The following ARL3 variants were observed in gnomAD, a reference collection of about 807,000 sequenced individuals.
The protein encoded by ARL3 is ARF like GTPase 3.
Under a neutral mutation model 26.0 loss-of-function variants are expected in ARL3, and 9 were observed. The ratio of observed to expected loss-of-function variants is 0.35; its 90% CI spans 0.21 to 0.60. ARL3 has a LOEUF of 0.60. ARL3 is among the 20% of genes least tolerant of loss of function. ARL3 has a pLI of 0.78. For synonymous variants in ARL3, 71 were observed against 78.4 expected, an observed-to-expected ratio of 0.91 and a Z score of 0.50; for missense variants, 158 against 215.7, an observed-to-expected ratio of 0.73 and a Z score of 1.67.
intron 2 of ARL3, among the ~76,000 whole-genome samples, chr10:102,703,775 C>G (rs553632661): frequency 1.3e-5 from 2 of 151,990 alleles, no homozygotes; most frequent in Non-Finnish European, 2.9e-5. Context: ...ACGCTGTGAG[C>G]ACTATCATTC....
At chr10:102,691,088 T>C (rs2064214825) in intron 3 of ARL3, among the ~76,000 whole-genome samples, 1 of 152,128 alleles carries the variant, frequency 6.6e-6, no homozygotes, top group South Asian at 2.1e-4. Context: ...AGGTCAGCAG[T>C]CAATATTTTA....
chr10:102,710,076 A>G (rs2064330168), intron 1 of ARL3, among the ~76,000 whole-genome samples: 1 of 152,204 alleles, frequency 6.6e-6, no homozygotes, highest in Non-Finnish European at 1.5e-5. Flanking sequence ...TATTAACCTA[A>G]TGGTGTAGAA....
At chr10:102,682,729 T>G (rs2064161667) in intron 5 of ARL3, among the ~76,000 whole-genome samples, 1 of 152,232 alleles carries the variant, frequency 6.6e-6, no homozygotes. Context: ...ATGTTTTGAT[T>G]AAACATGTAC....
rs1200555767 is a variant in ARL3 at position 102,685,935 on chromosome 10, G to C, written c.382C>G (p.Gln128Glu). The change falls in exon 5 of 6, where the codon CAG (glutamine) becomes GAG (glutamate). Residue 128 changes from glutamine to glutamate, a missense_variant. Gln to Glu is a conservative substitution (Grantham distance 29). Transcript: ENST00000260746. ...CVPVLIFANKQDLLTAAPASE... is the reference protein window; with the variant it reads ...CVPVLIFANKEDLLTAAPASE... ...GCAGGGGCTGCTGTGAGCAAATCCT[G>C]CTTATTAGCAAAGATGAGCACTGGC... 2 of 1,614,100 alleles carry C rather than the reference G, an allele frequency of 1.2e-6. No homozygotes were observed. Among genetic ancestry groups the C allele is most frequent in the Admixed American group, 3.3e-5 (2 of 60,022 alleles).
rs184301192 is a variant in ARL3 at position 102,687,413 on chromosome 10, A to T, written c.316-1412T>A. Among the ~76,000 whole-genome samples the T allele has an allele frequency of 5.5e-3, 829 of 151,478 alleles. 1 individual carries two copies. The highest frequency in any genetic ancestry group is 7.9e-3 in the Non-Finnish European group (538 of 67,842). ...ACCATGCCCAGCTAATTAAAAAAAA[A>T]TTTTTTTTGGCCAGGCGCGGTGGCT... On this transcript the variant is annotated intron_variant, in intron 4 of 5. Transcript: ENST00000260746.
chr10:102,703,476 C>G (rs1480381078), intron 2 of ARL3, among the ~76,000 whole-genome samples: 1 of 108,446 alleles, frequency 9.2e-6, no homozygotes, highest in Non-Finnish European at 1.7e-5. Flanking sequence ...TGGAGTCTCG[C>G]TCTGTCGCCC....
At chr10:102,686,724 C>G (rs958122136) in intron 4 of ARL3, among the ~76,000 whole-genome samples, 1 of 151,988 alleles carries the variant, frequency 6.6e-6, no homozygotes, top group African/African-American at 2.4e-5. Context: ...CTTGGCCTCC[C>G]AAAGTGCTGG....
In ARL3 at chr10:102,703,118, C is replaced by CTTTTTT. The variant is rs1023724116; in HGVS notation, c.147+2222_147+2227dup. Reference sequence around the variant, plus strand: ...TACAGTTTTTCCAATCAGGTCTTGTCTTTTTTTTTTTTTTTTTTTTTTGAG... The same window carrying CTTTTTT: ...TACAGTTTTTCCAATCAGGTCTTGTCTTTTTTTTTTTTTTTTTTTTTTTTTTTTGAG... On this transcript the variant is annotated intron_variant, in intron 2 of 5. Coordinates refer to ENST00000260746, the MANE Select transcript of ARL3 (RefSeq NM_004311.4). Among the ~76,000 whole-genome samples the CTTTTTT allele has an allele frequency of 1.7e-3, 172 of 101,146 alleles. 3 individuals are homozygous for CTTTTTT. Among genetic ancestry groups the CTTTTTT allele is most frequent in the Middle Eastern group, 7.1e-3 (1 of 140 alleles). 66.4% of individuals were successfully genotyped at this position (101,146 alleles called of 152,430 possible). A position where few individuals can be genotyped will look rare whatever the true frequency, so the allele number is the denominator to read the frequency against.
At chr10:102,702,902 C>T (rs1377733431) in intron 2 of ARL3, among the ~76,000 whole-genome samples, 2 of 152,124 alleles carry the variant, frequency 1.3e-5, no homozygotes. Context: ...ACCAGCACAG[C>T]CATTCAAACC....
intron 1 of ARL3, among the ~76,000 whole-genome samples, chr10:102,707,009 A>T (rs564035895): frequency 6.7e-6 from 1 of 150,276 alleles, no homozygotes; most frequent in Non-Finnish European, 1.5e-5. Flanking sequence ...AATATAAAGC[A>T]TGTTGCTGGG....
chr10:102,703,872 G>A (rs545595453), intron 2 of ARL3, among the ~76,000 whole-genome samples: 13 of 151,740 alleles, frequency 8.6e-5, no homozygotes, highest in African/African-American at 2.7e-4. Flanking sequence ...GTAATTGGCC[G>A]GGCAAGGTGG....
At chr10:102,685,704 C>T in intron 5 of ARL3, 112 bp downstream of exon 5, 1 of 1,185,412 alleles carries the variant, frequency 8.4e-7, no homozygotes, top group Non-Finnish European at 1.2e-6. Flanking sequence ...CCTCCATGCC[C>T]TTCATATCTT....
At chr10:102,699,884 C>A (rs1471028947) in intron 2 of ARL3, among the ~76,000 whole-genome samples, 1 of 152,102 alleles carries the variant, frequency 6.6e-6, no homozygotes, top group Non-Finnish European at 1.5e-5. Context: ...AATCTGAAGA[C>A]TCAACAGGAA....
chr10:102,705,724 A>G (rs2064306457), intron 1 of ARL3, among the ~76,000 whole-genome samples: 1 of 152,162 alleles, frequency 6.6e-6, no homozygotes, highest in Admixed American at 6.6e-5. Context: ...CCTCCAATCA[A>G]TCTAGCTTAG....
chr10:102,711,868 GAA>G (rs1231907121), intron 1 of ARL3, among the ~76,000 whole-genome samples: 2 of 152,168 alleles, frequency 1.3e-5, no homozygotes, highest in East Asian at 3.8e-4. Flanking sequence ...AACAGCCACT[GAA>G]AAGACTACCC....
At chr10:102,706,740 G>A (rs1419481589) in intron 1 of ARL3, among the ~76,000 whole-genome samples, 2 of 151,852 alleles carry the variant, frequency 1.3e-5, no homozygotes, top group Admixed American at 6.6e-5. Context: ...GTGCAATCTC[G>A]GCTCAACTAC....
At chr10:102,701,752 A>G (rs1483626595) in intron 2 of ARL3, among the ~76,000 whole-genome samples, 4 of 152,228 alleles carry the variant, frequency 2.6e-5, no homozygotes, top group African/African-American at 9.6e-5. Flanking sequence ...AAACAGCTAT[A>G]AGTCATGAGA....
intron 2 of ARL3, among the ~76,000 whole-genome samples, chr10:102,700,610 G>T (rs1309047154): frequency 7.1e-6 from 1 of 141,128 alleles, no homozygotes; most frequent in Non-Finnish European, 1.5e-5. Context: ...AATTACAGGC[G>T]CCTGCCACCA....
At chr10:102,702,584 G>A (rs1292310174) in intron 2 of ARL3, among the ~76,000 whole-genome samples, 1 of 152,152 alleles carries the variant, frequency 6.6e-6, no homozygotes, top group African/African-American at 2.4e-5. Context: ...TGTTTGCAGT[G>A]TGGAAGTCTT....
Sources: gnomAD v4.1 joint callset for allele counts (sites outside exome capture counted in the v4.1 genomes callset) on GRCh38, gnomAD v4.1.1 for gene constraint, MANE v1.5 for transcripts, NCBI Gene and HGNC (gene_info 2026-07-23, HGNC 2026-07-21) for gene names.